EXOC4: variants seen among roughly 807,000 people sequenced by gnomAD.
EXOC4 encodes SEC8-like 1.
In EXOC4, 71 loss-of-function variants were observed where a neutral mutation model predicts 107.2. The observed-to-expected ratio is 0.66, with a 90% CI of 0.55 to 0.81. The LOEUF is 0.81. Among genes scored for constraint, EXOC4 ranks in the 30% least tolerant of loss-of-function variants. The pLI is 0.00. For missense variants in EXOC4, 1,108 were observed against 1,189.6 expected (o/e 0.93, Z 1.01); for synonymous variants, 456 against 441.2 (o/e 1.03, Z -0.42).
At chr7:133,722,174 G>T (rs1474826103) in intron 10 of EXOC4, among the ~76,000 whole-genome samples, 1 of 152,236 alleles carries the variant, frequency 6.6e-6, no homozygotes, top group Non-Finnish European at 1.5e-5. Flanking sequence ...GCTTTGCCCT[G>T]TATCCCATTT....
intron 17 of EXOC4, among the ~76,000 whole-genome samples, chr7:134,020,740 C>G (rs1795009985): frequency 6.6e-6 from 1 of 152,154 alleles, no homozygotes; most frequent in African/African-American, 2.4e-5. Flanking sequence ...AATGGCAGCA[C>G]TTTGGGAGGC....
At chr7:133,910,031 C>T (rs1389991048) in intron 12 of EXOC4, among the ~76,000 whole-genome samples, 1 of 142,882 alleles carries the variant, frequency 7.0e-6, no homozygotes, top group African/African-American at 2.6e-5. Context: ...TCAAGCAATT[C>T]TCCTGCCTCA....
At chr7:134,026,705 G>A (rs908976072) in intron 17 of EXOC4, among the ~76,000 whole-genome samples, 3 of 152,168 alleles carry the variant, frequency 2.0e-5, no homozygotes, top group African/African-American at 7.2e-5. Context: ...GAAAGAGGTA[G>A]AAGTGCTGCT....
chr7:133,921,391 C>T (rs1348413277), intron 13 of EXOC4, among the ~76,000 whole-genome samples: 2 of 152,192 alleles, frequency 1.3e-5, no homozygotes, highest in African/African-American at 4.8e-5. Flanking sequence ...CTCACAGACA[C>T]ACCAGAAATG....
intron 10 of EXOC4, among the ~76,000 whole-genome samples, chr7:133,678,397 T>C (rs375445634): frequency 4.1e-4 from 62 of 152,332 alleles, no homozygotes; most frequent in East Asian, 2.9e-3. Flanking sequence ...ATGTGTTCAG[T>C]CACAGAGAAA....
At chr7:134,046,489 G>A (rs6951575) in intron 17 of EXOC4, among the ~76,000 whole-genome samples, 24,482 of 149,940 alleles carry the variant, frequency 0.16, 2,246 homozygotes, top group East Asian at 0.41. Context: ...AACAAAAAAA[G>A]ACGGCTCAGA....
At chr7:134,069,466 T>C (rs938055019), downstream of EXOC4, among the ~76,000 whole-genome samples, 2 of 150,866 alleles carry the variant, frequency 1.3e-5, no homozygotes, top group African/African-American at 4.9e-5. Context: ...TTCTCCTTCC[T>C]CCTCCATCCT....
chr7:133,418,821 A>C (rs573710004), intron 7 of EXOC4, among the ~76,000 whole-genome samples: 4 of 152,322 alleles, frequency 2.6e-5, no homozygotes, highest in African/African-American at 9.6e-5. Context: ...TTGATTGGTC[A>C]GGTATTTTAT....
intron 7 of EXOC4, among the ~76,000 whole-genome samples, chr7:133,474,386 G>T (rs1290044225): frequency 6.6e-6 from 1 of 152,022 alleles, no homozygotes. Context: ...CATGATCTCG[G>T]CTCACTGCAA....
intron 9 of EXOC4, among the ~76,000 whole-genome samples, chr7:133,527,023 AG>A (rs776515602): frequency 1.6e-3 from 236 of 152,214 alleles, no homozygotes; most frequent in Non-Finnish European, 2.5e-3. Context: ...ATAATGGAAA[AG>A]GGGGCAAAGT....
In EXOC4 at chr7:134,064,512, A is replaced by G; in HGVS notation, c.2909A>G (p.Lys970Arg). Residue 970 changes from lysine to arginine, a missense_variant, in exon 18 of 18, where the codon AAG (lysine) becomes AGG (arginine). Coordinates refer to ENST00000253861, the MANE Select transcript of EXOC4 (RefSeq NM_021807.4). ...ATCAAGCAAGCCACCAAGGACAAGA[A>G]GATAACTACCGTTTAGCAGGGCGTA... is the stretch of plus-strand genomic sequence containing the variant. ...AAIKQATKDK[K>R]ITTV 6.2e-7 allele frequency: 1 copy of G among 1,601,660 alleles called. No homozygotes were observed. Among genetic ancestry groups the G allele is most frequent in the South Asian group, 1.1e-5 (1 of 89,420 alleles).
chr7:133,831,286 C>G (rs1303246218), intron 11 of EXOC4, among the ~76,000 whole-genome samples: 1 of 152,100 alleles, frequency 6.6e-6, no homozygotes, highest in East Asian at 1.9e-4. Context: ...TTGAGGAGTG[C>G]TGGTTAGGTA....
intron 5 of EXOC4, among the ~76,000 whole-genome samples, chr7:133,342,884 T>G (rs1795697649): frequency 6.6e-6 from 1 of 152,200 alleles, no homozygotes; most frequent in Non-Finnish European, 1.5e-5. Context: ...TTGATTGTTT[T>G]TTATTTGTGG....
intron 17 of EXOC4, among the ~76,000 whole-genome samples, chr7:134,063,514 C>T (rs966850553): frequency 2.0e-5 from 3 of 152,104 alleles, no homozygotes; most frequent in East Asian, 1.9e-4. Context: ...TCTGTGCTTT[C>T]GTCTTTGTAT....
At chr7:134,095,992 A>C in the EXOC4 span, among the ~76,000 whole-genome samples, 1 of 152,338 alleles carries the variant, frequency 6.6e-6, no homozygotes, top group East Asian at 1.9e-4. Flanking sequence ...TCTTCATAGC[A>C]AAAGAAACTA....
At chr7:133,854,566 G>A (rs1798309422) in intron 11 of EXOC4, among the ~76,000 whole-genome samples, 1 of 152,028 alleles carries the variant, frequency 6.6e-6, no homozygotes, top group African/African-American at 2.4e-5. Flanking sequence ...CTGGCAAAGG[G>A]AAAAGTAATC....
rs1796979437 is a variant in EXOC4 at position 133,396,799 on chromosome 7, G to A, written c.1182+21797G>A. 2.0e-5 allele frequency among the ~76,000 whole-genome samples: 3 copies of A among 152,162 alleles called. No individual in the cohort carries two copies. In the South Asian group the frequency reaches 6.2e-4, roughly 32 times the overall value. ...TCGAACTGGAAAAAATAAGCATAGTGGAGTGACTTTTTCAAGGTCATTATC... is the reference window on the plus strand; with the variant it reads ...TCGAACTGGAAAAAATAAGCATAGTAGAGTGACTTTTTCAAGGTCATTATC... On this transcript the variant is annotated intron_variant, in intron 7 of 17. Coordinates refer to ENST00000253861, the MANE Select transcript of EXOC4 (RefSeq NM_021807.4).
chr7:133,721,996 TCA>T, intron 10 of EXOC4, among the ~76,000 whole-genome samples: 1 of 152,286 alleles, frequency 6.6e-6, no homozygotes, highest in African/African-American at 2.4e-5. Flanking sequence ...CTGAGATTCT[TCA>T]CAGTTTCTGG....
At chr7:133,363,678 A>C (rs1378806932) in intron 6 of EXOC4, among the ~76,000 whole-genome samples, 1 of 152,080 alleles carries the variant, frequency 6.6e-6, no homozygotes, top group Non-Finnish European at 1.5e-5. Flanking sequence ...GTTCAAATTA[A>C]AGATCTGACC....
Sources: allele counts gnomAD v4.1 joint callset (sites outside exome capture counted in the v4.1 genomes callset), GRCh38; gene constraint gnomAD v4.1.1; transcripts MANE v1.5; gene names NCBI Gene and HGNC (gene_info 2026-07-23, HGNC 2026-07-21).